The following UNC13C variants were observed in gnomAD, a reference collection of about 807,000 sequenced individuals.
The protein encoded by UNC13C is protein unc-13 homolog C.
Under a neutral mutation model 245.4 loss-of-function variants are expected in UNC13C, and 174 were observed. The ratio of observed to expected loss-of-function variants is 0.71; its 90% CI spans 0.63 to 0.80. The LOEUF is 0.80. Ranked by LOEUF, UNC13C falls within the 30% of genes least tolerant of loss-of-function variation. UNC13C has a pLI of 0.00. For missense variants in UNC13C, 2,829 were observed against 2,602.9 expected (o/e 1.09, Z -1.89); for synonymous variants, 992 against 895.1 (o/e 1.11, Z -1.93).
At chr15:53,924,345 T>A in the UNC13C span, among the ~76,000 whole-genome samples, 3 of 152,388 alleles carry the variant, frequency 2.0e-5, no homozygotes, top group East Asian at 5.8e-4. Context: ...GTAATCTTTT[T>A]GAGATTCAGC....
intron 14 of UNC13C, among the ~76,000 whole-genome samples, chr15:54,327,682 A>G (rs1278563564): frequency 4.6e-5 from 7 of 152,080 alleles, no homozygotes; most frequent in Non-Finnish European, 4.4e-5. Context: ...GTATTGAAGG[A>G]TGATAGTGGG....
chr15:54,389,909 A>G (rs1035620346), intron 17 of UNC13C, among the ~76,000 whole-genome samples: 1 of 151,956 alleles, frequency 6.6e-6, no homozygotes, highest in Non-Finnish European at 1.5e-5. Flanking sequence ...CTGCATTTTT[A>G]GTAGAGATGG....
intron 4 of UNC13C, among the ~76,000 whole-genome samples, chr15:54,182,194 T>C (rs1210503845): frequency 6.6e-6 from 1 of 152,054 alleles, no homozygotes; most frequent in African/African-American, 2.4e-5. Context: ...TCTTATTATT[T>C]TGTGGCATGT....
intron 29 of UNC13C, among the ~76,000 whole-genome samples, chr15:54,557,657 C>T (rs1379413589): frequency 1.3e-5 from 2 of 151,806 alleles, no homozygotes; most frequent in African/African-American, 2.4e-5. Context: ...GCAGACGCTA[C>T]CCATGCTAAT....
intron 28 of UNC13C, among the ~76,000 whole-genome samples, chr15:54,550,479 C>G (rs920347345): frequency 6.6e-6 from 1 of 152,160 alleles, no homozygotes; most frequent in African/African-American, 2.4e-5. Context: ...ATTCCTCCCC[C>G]AGCTGGTAGC....
intron 4 of UNC13C, among the ~76,000 whole-genome samples, chr15:54,169,257 A>G (rs1376435917): frequency 1.3e-5 from 2 of 152,168 alleles, no homozygotes; most frequent in Non-Finnish European, 2.9e-5. Flanking sequence ...TCCCAAGCCT[A>G]TTTGATAGAA....
intron 3 of UNC13C, 25 bp from the exon 4 acceptor site, chr15:54,143,595 G>C (rs774799801): frequency 6.2e-7 from 1 of 1,608,634 alleles, no homozygotes; most frequent in African/African-American, 1.3e-5. Flanking sequence ...TGTTTGTTTT[G>C]TTTTTCTCTT....
chr15:54,472,612 A>G (rs1224423779), intron 19 of UNC13C, among the ~76,000 whole-genome samples: 1 of 151,856 alleles, frequency 6.6e-6, no homozygotes, highest in Non-Finnish European at 1.5e-5. Flanking sequence ...TTTGTCTGAG[A>G]AAGTATTTAT....
the UNC13C span, among the ~76,000 whole-genome samples, chr15:53,850,804 G>A: frequency 1.3e-5 from 2 of 149,372 alleles, no homozygotes; most frequent in Non-Finnish European, 3.0e-5. Context: ...TAAGGACTTC[G>A]TTAGGCATGC....
At chr15:54,535,454 A>G (rs1366335092) in intron 26 of UNC13C, among the ~76,000 whole-genome samples, 1 of 152,098 alleles carries the variant, frequency 6.6e-6, no homozygotes, top group Non-Finnish European at 1.5e-5. Context: ...GCAGAAAACT[A>G]ACAAAGATAT....
At chr15:54,504,531 ATTAAG>A (rs1292184141) in intron 22 of UNC13C, among the ~76,000 whole-genome samples, 1 of 152,216 alleles carries the variant, frequency 6.6e-6, no homozygotes, top group East Asian at 1.9e-4. Context: ...TGTGATCAGA[ATTAAG>A]TTAGAAATTT....
chr15:53,996,404 A>G (rs1894635734), intron 1 of UNC13C, among the ~76,000 whole-genome samples: 1 of 152,186 alleles, frequency 6.6e-6, no homozygotes, highest in Non-Finnish European at 1.5e-5. Flanking sequence ...TCTTTAACAC[A>G]CTGCTTAGGC....
chr15:53,924,187 A>G, the UNC13C span, among the ~76,000 whole-genome samples: 1 of 152,100 alleles, frequency 6.6e-6, no homozygotes. Context: ...AACCTGGGCA[A>G]CAGAGTGAGA....
At chr15:54,320,432 T>G (rs961139197) in intron 13 of UNC13C, among the ~76,000 whole-genome samples, 2 of 134,872 alleles carry the variant, frequency 1.5e-5, no homozygotes, top group Admixed American at 1.6e-4. Context: ...GATCAAACTA[T>G]TACATTTAGC....
intron 12 of UNC13C, among the ~76,000 whole-genome samples, chr15:54,299,749 A>G (rs1246338100): frequency 6.6e-6 from 1 of 152,182 alleles, no homozygotes. Flanking sequence ...GACACCTCTA[A>G]CTAACCTCTC....
the UNC13C span, among the ~76,000 whole-genome samples, chr15:53,866,494 A>G: frequency 6.6e-6 from 1 of 152,206 alleles, no homozygotes; most frequent in Non-Finnish European, 1.5e-5. Flanking sequence ...CATTTATACC[A>G]ATGCGTTTTA....
At chr15:54,603,498 T>C (rs1566934437) in intron 30 of UNC13C, among the ~76,000 whole-genome samples, 3 of 152,176 alleles carry the variant, frequency 2.0e-5, no homozygotes, top group Non-Finnish European at 4.4e-5. Flanking sequence ...AGAAAATCAC[T>C]TGTTTAATAC....
chr15:53,899,873 A>G, the UNC13C span, among the ~76,000 whole-genome samples: 10 of 152,124 alleles, frequency 6.6e-5, no homozygotes, highest in Non-Finnish European at 1.3e-4. Flanking sequence ...TTAGTTTCTT[A>G]TCTTGGCTAT....
At chr15:53,881,815 C>G in the UNC13C span, among the ~76,000 whole-genome samples, 11 of 152,194 alleles carry the variant, frequency 7.2e-5, 1 homozygote, top group East Asian at 1.7e-3. Flanking sequence ...TGCACAAAAC[C>G]AAAAAGGACC....
Sources: gnomAD v4.1 joint callset for allele counts (sites outside exome capture counted in the v4.1 genomes callset) on GRCh38, gnomAD v4.1.1 for gene constraint, MANE v1.5 for transcripts, NCBI Gene and HGNC (gene_info 2026-07-23, HGNC 2026-07-21) for gene names.